Variants in MAPK10 observed in about 807,000 individuals in gnomAD.
MAPK10 encodes JNK3 alpha protein kinase.
Under a neutral mutation model 59.3 loss-of-function variants are expected in MAPK10, and 25 were observed. That is an observed-to-expected ratio of 0.42 (90% confidence interval 0.31 to 0.59). The LOEUF is 0.59. Ranked by LOEUF, MAPK10 falls within the 20% of genes least tolerant of loss-of-function variation. The pLI is 0.15. For synonymous variants in MAPK10, 190 were observed against 200.5 expected, an observed-to-expected ratio of 0.95 and a Z score of 0.44; for missense variants, 351 against 568.9, an observed-to-expected ratio of 0.62 and a Z score of 3.90.
chr4:86,415,893 G>A (rs1745803573), intron 1 of MAPK10, among the ~76,000 whole-genome samples: 1 of 152,136 alleles, frequency 6.6e-6, no homozygotes, highest in Non-Finnish European at 1.5e-5. Context: ...ATAGTATGGT[G>A]GTCCAGAATA....
In MAPK10 at chr4:86,140,434, C is replaced by T. The variant is rs190531944; in HGVS notation, c.236+18864G>A. On this transcript the variant is annotated intron_variant, in intron 4 of 13. Coordinates refer to ENST00000641462, the MANE Select transcript of MAPK10 (RefSeq NM_138982.4). ...CATTCACAGTAAACTATTGCGAGGA[C>T]AAAAAACCAAACACCGCATGTTCTC... 4.5e-3 allele frequency among the ~76,000 whole-genome samples: 646 copies of T among 144,522 alleles called. 10 individuals carry two copies. Among genetic ancestry groups the T allele is most frequent in the Non-Finnish European group, 7.0e-3 (474 of 67,534 alleles). The allele number at this position is 144,522 out of a possible 152,430, so 94.8% of individuals were successfully genotyped here.
At chr4:86,206,657 C>A in intron 2 of MAPK10, among the ~76,000 whole-genome samples, 1 of 152,322 alleles carries the variant, frequency 6.6e-6, no homozygotes, top group East Asian at 1.9e-4. Flanking sequence ...TTTACAGTCC[C>A]ACCAACAGTG....
At chr4:86,266,548 T>A (rs969505928) in intron 2 of MAPK10, among the ~76,000 whole-genome samples, 1 of 152,166 alleles carries the variant, frequency 6.6e-6, no homozygotes, top group African/African-American at 2.4e-5. Flanking sequence ...TCCTACTTTC[T>A]CTACCACTAC....
At chr4:86,049,341 C>A (rs1031984852) in intron 11 of MAPK10, among the ~76,000 whole-genome samples, 3 of 151,860 alleles carry the variant, frequency 2.0e-5, no homozygotes, top group African/African-American at 7.2e-5. Context: ...GTTACCATTG[C>A]TCCTACTTTT....
intron 1 of MAPK10, among the ~76,000 whole-genome samples, chr4:86,546,980 C>T (rs201937433): frequency 8.0e-4 from 121 of 151,920 alleles, no homozygotes; most frequent in African/African-American, 2.7e-3. Context: ...CGTGTGAACC[C>T]GGAAGGTGGA....
At chr4:86,489,920 C>T (rs970162686) in intron 1 of MAPK10, among the ~76,000 whole-genome samples, 5 of 152,064 alleles carry the variant, frequency 3.3e-5, no homozygotes, top group Non-Finnish European at 1.5e-5. Context: ...TTTTCTGTTC[C>T]ACTCTCAGTA....
intron 2 of MAPK10, among the ~76,000 whole-genome samples, chr4:86,217,072 C>T (rs1444413265): frequency 2.0e-5 from 3 of 152,106 alleles, no homozygotes; most frequent in African/African-American, 7.2e-5. Flanking sequence ...ATTTATACAT[C>T]TCATCCATGA....
chr4:86,015,792 C>T lies in MAPK10; in HGVS notation c.*1436G>A, dbSNP rs1397447257. On this transcript the variant is annotated 3_prime_UTR_variant, in exon 14 of 14. Coordinates refer to ENST00000641462, the MANE Select transcript of MAPK10 (RefSeq NM_138982.4). The stretch of plus-strand genomic sequence containing the variant: ...CAGTACAAAACTCAGATGATCAGCC[C>T]TTCGATTGCTCATACTTATTAAAAT... 6.6e-6 allele frequency: 1 copy of T among 152,080 alleles called. No individual in the cohort carries two copies. The highest frequency in any genetic ancestry group is 1.5e-5 in the Non-Finnish European group (1 of 68,018). The allele number at this position is 152,080 out of a possible 1,614,324, so 9.4% of individuals were successfully genotyped here. A position where few individuals can be genotyped will look rare whatever the true frequency, so the allele number is the denominator to read the frequency against.
intron 1 of MAPK10, among the ~76,000 whole-genome samples, chr4:86,445,673 A>G (rs1749947616): frequency 6.6e-6 from 1 of 152,222 alleles, no homozygotes. Context: ...AAAAATAAGA[A>G]TTACATCTGA....
At chr4:86,276,335 T>TA (rs1302487521) in intron 2 of MAPK10, among the ~76,000 whole-genome samples, 11 of 152,228 alleles carry the variant, frequency 7.2e-5, no homozygotes, top group Admixed American at 6.5e-4. Flanking sequence ...TGCCCTTTCC[T>TA]ACTAACTTTC....
At chr4:86,425,232 G>T (rs1056828269) in intron 1 of MAPK10, among the ~76,000 whole-genome samples, 8 of 152,166 alleles carry the variant, frequency 5.3e-5, no homozygotes, top group African/African-American at 1.9e-4. Context: ...AACAGTTCTT[G>T]TTGGTTTAAC....
chr4:86,467,224 A>G (rs1752280232), intron 1 of MAPK10, among the ~76,000 whole-genome samples: 1 of 152,208 alleles, frequency 6.6e-6, no homozygotes, highest in Non-Finnish European at 1.5e-5. Flanking sequence ...ACCAAATCAG[A>G]ATGGAGTCAT....
At chr4:86,480,092 A>G (rs564372140) in intron 1 of MAPK10, among the ~76,000 whole-genome samples, 219 of 152,324 alleles carry the variant, frequency 1.4e-3, no homozygotes, top group African/African-American at 5.2e-3. Flanking sequence ...AAGCTAAGCC[A>G]TCATATCCCC....
intron 11 of MAPK10, among the ~76,000 whole-genome samples, chr4:86,058,168 T>C (rs1255985859): frequency 6.7e-6 from 1 of 149,800 alleles, no homozygotes; most frequent in Non-Finnish European, 1.5e-5. Flanking sequence ...TACTTCACTT[T>C]ACTAGGGGAG....
intron 2 of MAPK10, among the ~76,000 whole-genome samples, chr4:86,277,869 G>C (rs2094640840): frequency 6.6e-6 from 1 of 151,988 alleles, no homozygotes; most frequent in Non-Finnish European, 1.5e-5. Context: ...TTGAAGGCTT[G>C]GAGTAGATGT....
At chr4:86,547,706 C>G (rs1759345542) in intron 1 of MAPK10, among the ~76,000 whole-genome samples, 1 of 152,206 alleles carries the variant, frequency 6.6e-6, no homozygotes, top group African/African-American at 2.4e-5. Context: ...CAGCTGGGCT[C>G]CTGAGTCTAG....
chr4:86,572,438 T>C (rs1761529566), intron 1 of MAPK10, among the ~76,000 whole-genome samples: 1 of 152,198 alleles, frequency 6.6e-6, no homozygotes. Flanking sequence ...TACCTTGTGC[T>C]AGCTGTGAGT....
chr4:86,453,741 G>C (rs1341394003), upstream of MAPK10, among the ~76,000 whole-genome samples: 1 of 152,020 alleles, frequency 6.6e-6, no homozygotes, highest in Non-Finnish European at 1.5e-5. Flanking sequence ...CCCACTGCCT[G>C]TTCCTCCCCA....
upstream of MAPK10, among the ~76,000 whole-genome samples, chr4:86,454,228 A>T (rs947640719): frequency 4.6e-5 from 7 of 152,224 alleles, no homozygotes; most frequent in African/African-American, 1.4e-4. Flanking sequence ...CCCCAAAATC[A>T]CACTAGCTCT....
Sources: allele counts gnomAD v4.1 joint callset (sites outside exome capture counted in the v4.1 genomes callset), GRCh38; gene constraint gnomAD v4.1.1; transcripts MANE v1.5; gene names NCBI Gene and HGNC (gene_info 2026-07-23, HGNC 2026-07-21).